Variants in ZNF407 observed in about 807,000 individuals in gnomAD.
The protein encoded by ZNF407 is zinc finger protein 407.
A neutral mutation model predicts 131.2 loss-of-function variants in ZNF407; 17 were observed. The observed-to-expected ratio is 0.13, with a 90% confidence interval of 0.09 to 0.19. ZNF407 has a LOEUF of 0.19. Ranked by LOEUF, ZNF407 falls within the 10% of genes least tolerant of loss-of-function variation. ZNF407 has a pLI of 1.00. For missense variants in ZNF407, 2,681 were observed against 2,830.6 expected, an observed-to-expected ratio of 0.95 and a Z score of 1.20; for synonymous variants, 1,156 against 1,062.0, an observed-to-expected ratio of 1.09 and a Z score of -1.72.
intron 7 of ZNF407, among the ~76,000 whole-genome samples, chr18:74,910,912 C>T (rs1197307841): frequency 6.6e-6 from 1 of 152,260 alleles, no homozygotes; most frequent in Admixed American, 6.5e-5. Flanking sequence ...ATCCCTTTCC[C>T]ACCTCCCGTC....
chr18:74,816,922 T>C (rs919084313), intron 4 of ZNF407, among the ~76,000 whole-genome samples: 1 of 152,220 alleles, frequency 6.6e-6, no homozygotes, highest in Non-Finnish European at 1.5e-5. Context: ...TTAAAATTGC[T>C]AAGGATCTCA....
chr18:74,784,215 C>T (rs1252757102), intron 4 of ZNF407, among the ~76,000 whole-genome samples: 1 of 152,124 alleles, frequency 6.6e-6, no homozygotes, highest in South Asian at 2.1e-4. Flanking sequence ...TTTAATTTCT[C>T]CAGGACAGTA....
At chr18:74,719,120 T>C (rs1967965180) in intron 3 of ZNF407, among the ~76,000 whole-genome samples, 1 of 152,168 alleles carries the variant, frequency 6.6e-6, no homozygotes, top group African/African-American at 2.4e-5. Flanking sequence ...ATAAAATGTA[T>C]AGTGATCAGA....
At chr18:75,041,899 C>T (rs374007799) in intron 8 of ZNF407, among the ~76,000 whole-genome samples, 5 of 152,306 alleles carry the variant, frequency 3.3e-5, no homozygotes, top group South Asian at 2.1e-4. Flanking sequence ...CAGACATCAG[C>T]GAGTGTCTCC....
intron 7 of ZNF407, among the ~76,000 whole-genome samples, chr18:74,916,366 G>T (rs1311331612): frequency 1.0e-3 from 130 of 124,662 alleles, no homozygotes; most frequent in South Asian, 1.9e-3. Flanking sequence ...GCGTGCATGT[G>T]TGTGCTGGTA....
intron 1 of ZNF407, among the ~76,000 whole-genome samples, chr18:74,611,370 A>G (rs548097506): frequency 1.4e-4 from 21 of 152,382 alleles, no homozygotes; most frequent in African/African-American, 5.0e-4. Flanking sequence ...GAATAGACAT[A>G]TTCAGCACAT....
rs763103598 is a variant in ZNF407, at chr18:74,634,891, T to G, written c.3872T>G (p.Leu1291Trp). The G allele has an allele frequency of 5.0e-6, 8 of 1,613,534 alleles. No homozygotes were observed. The highest frequency in any genetic ancestry group is 6.8e-6 in the Non-Finnish European group (8 of 1,179,730). The change falls in exon 2 of 9, where the codon TTG (leucine) becomes TGG (tryptophan). Residue 1291 changes from leucine to tryptophan, a missense_variant. Transcript: ENST00000299687. Reference sequence around the variant, plus strand: ...AACAGAGTTGCACGTGGGCATGGTTTGGAAGACTTGAAAGGTGTCCAAGAA... The same window carrying G: ...AACAGAGTTGCACGTGGGCATGGTTGGGAAGACTTGAAAGGTGTCCAAGAA... ...GQNRVARGHG[L>W]EDLKGVQEDP...
rs144016034 is a variant in ZNF407, at chr18:75,055,789, G to A, written c.5429-7361G>A. ...TCAGTTGCTGCCAGTGTTAAATGTC[G>A]CACCCATGGCAATTAAGAAAAAGGG... On this transcript the variant is annotated intron_variant, in intron 8 of 8. Coordinates refer to ENST00000299687, the MANE Select transcript of ZNF407 (RefSeq NM_017757.3). Among the ~76,000 whole-genome samples, 1,298 of 152,136 alleles carry A rather than the reference G, an allele frequency of 8.5e-3. 25 individuals carry two copies. Among genetic ancestry groups the A allele is most frequent in the African/African-American group, 0.029 (1,205 of 41,486 alleles).
chr18:74,839,209 A>T (rs1370707698), intron 4 of ZNF407, among the ~76,000 whole-genome samples: 1 of 152,234 alleles, frequency 6.6e-6, no homozygotes, highest in East Asian at 1.9e-4. Context: ...ATTAGTAGGG[A>T]AAACAATTGC....
intron 3 of ZNF407, among the ~76,000 whole-genome samples, chr18:74,754,396 A>G (rs1002173281): frequency 6.6e-6 from 1 of 151,982 alleles, no homozygotes. Context: ...GCTAGCTTTT[A>G]AATGTGTTTG....
At chr18:74,782,002 T>C (rs1481010098) in intron 4 of ZNF407, among the ~76,000 whole-genome samples, 1 of 152,342 alleles carries the variant, frequency 6.6e-6, no homozygotes, top group Non-Finnish European at 1.5e-5. Context: ...TGTCATCAAC[T>C]GCCAGGTTTT....
intron 3 of ZNF407, among the ~76,000 whole-genome samples, chr18:74,742,526 T>C (rs1325911113): frequency 2.0e-5 from 3 of 152,212 alleles, no homozygotes; most frequent in Non-Finnish European, 4.4e-5. Flanking sequence ...TTGTTCTTTT[T>C]TGAATATTTG....
chr18:74,704,693 G>A (rs542022918), intron 3 of ZNF407, among the ~76,000 whole-genome samples: 9 of 152,280 alleles, frequency 5.9e-5, no homozygotes, highest in East Asian at 1.9e-4. Flanking sequence ...GAATTTTGTC[G>A]CTTAAGTTGC....
At chr18:74,841,117 C>T (rs1970626878) in intron 4 of ZNF407, among the ~76,000 whole-genome samples, 1 of 152,174 alleles carries the variant, frequency 6.6e-6, no homozygotes, top group Admixed American at 6.5e-5. Context: ...TCTTCAGTGC[C>T]CTTTACTATC....
At chr18:74,683,089 G>C (rs1198861095) in intron 3 of ZNF407, among the ~76,000 whole-genome samples, 7 of 152,168 alleles carry the variant, frequency 4.6e-5, no homozygotes, top group Non-Finnish European at 8.8e-5. Context: ...TTGTAACCAG[G>C]TGTGTGAGGG....
At position 74,634,191 on chromosome 18, in the gene ZNF407, C is replaced by T. The variant is rs1312799210; in HGVS notation, c.3172C>T (p.Arg1058Cys). ...CMACDYYAVT[R>C]REMTRHAATE... Reference sequence around the variant, plus strand: ...GGCATGCGATTACTACGCGGTGACTCGTCGCGAGATGACCAGGCATGCAGC... The same window carrying T: ...GGCATGCGATTACTACGCGGTGACTTGTCGCGAGATGACCAGGCATGCAGC... Residue 1058 changes from arginine to cysteine, a missense_variant, in exon 2 of 9, where the codon CGT becomes TGT. By Grantham distance (180) the Arg-to-Cys change is radical. Around this residue, in one of 6 missense-constraint regions of ZNF407, gnomAD observed 1,789 missense variants for 1,748.7 expected, o/e 1.02. Coordinates refer to ENST00000299687, the MANE Select transcript of ZNF407 (RefSeq NM_017757.3). The T allele has an allele frequency of 1.2e-5, 20 of 1,613,884 alleles. No homozygotes were observed. Among genetic ancestry groups the T allele is most frequent in the South Asian group, 2.2e-5 (2 of 91,080 alleles).
At chr18:75,002,180 T>A (rs1047255519) in intron 8 of ZNF407, among the ~76,000 whole-genome samples, 3 of 152,268 alleles carry the variant, frequency 2.0e-5, no homozygotes, top group Non-Finnish European at 4.4e-5. Flanking sequence ...AATGGATTTG[T>A]TCTTGCTGAT....
chr18:74,919,647 T>C (rs1240379313), intron 7 of ZNF407, among the ~76,000 whole-genome samples: 1 of 152,198 alleles, frequency 6.6e-6, no homozygotes, highest in Non-Finnish European at 1.5e-5. Flanking sequence ...TGAAATTGTA[T>C]AGGGCTCTTT....
chr18:74,951,996 C>G (rs1972220376), intron 8 of ZNF407, among the ~76,000 whole-genome samples: 1 of 152,096 alleles, frequency 6.6e-6, no homozygotes, highest in African/African-American at 2.4e-5. Context: ...GTAGTGATCC[C>G]TGGCACAGCT....
Sources: gnomAD v4.1 joint callset for allele counts (sites outside exome capture counted in the v4.1 genomes callset) on GRCh38, gnomAD v4.1.1 for gene constraint, gnomAD v4.1.1 regional missense constraint, MANE v1.5 for transcripts, NCBI Gene and HGNC (gene_info 2026-07-23, HGNC 2026-07-21) for gene names.